The following KANK1 variants were observed in gnomAD, a reference collection of about 807,000 sequenced individuals.
The protein encoded by KANK1 is KN motif and ankyrin repeat domain-containing protein 1.
In KANK1, 109 loss-of-function variants were observed where a neutral mutation model predicts 106.2. The observed-to-expected ratio is 1.03, with a 90% CI of 0.88 to 1.20. The LOEUF is 1.20. Among genes scored for constraint, KANK1 ranks in the 50% most tolerant of loss-of-function variants. The pLI is 0.00. For synonymous variants in KANK1, 873 were observed against 652.2 expected, an observed-to-expected ratio of 1.34 and a Z score of -5.16; for missense variants, 2,399 against 1,710.7, an observed-to-expected ratio of 1.40 and a Z score of -7.10.
chr9:518,963 T>C (rs1413951453), intron 1 of KANK1, among the ~76,000 whole-genome samples: 1 of 151,530 alleles, frequency 6.6e-6, no homozygotes, highest in Non-Finnish European at 1.5e-5. Flanking sequence ...TGATCTCGGC[T>C]CACCGCAAAC....
intron 1 of KANK1, among the ~76,000 whole-genome samples, chr9:563,966 C>G (rs1030775817): frequency 2.0e-5 from 3 of 152,198 alleles, no homozygotes; most frequent in African/African-American, 7.2e-5. Flanking sequence ...GGCCTGTGAA[C>G]CTCTAGAAGA....
rs1301889030 is a variant in KANK1 at position 598,633 on chromosome 9, T to C, written c.-83-78257T>C. Among the ~76,000 whole-genome samples, 112 of 110,114 alleles carry C rather than the reference T, an allele frequency of 1.0e-3. 2 individuals carry two copies. The highest frequency in any genetic ancestry group is 4.5e-3 in the African/African-American group (108 of 23,742). The allele number at this position is 110,114 out of a possible 152,430, so 72.2% of individuals were successfully genotyped here. On this transcript the variant is annotated intron_variant, in intron 1 of 11. Transcript: ENST00000382297. ...TTTGTTGGTTTTCTTTTTTTTTTTTTTTTTTTTTTTTTTTTTTGAGACAGT... is the reference window on the plus strand; with the variant it reads ...TTTGTTGGTTTTCTTTTTTTTTTTTCTTTTTTTTTTTTTTTTTGAGACAGT...
At chr9:718,760 A>G (rs960315556) in intron 3 of KANK1, among the ~76,000 whole-genome samples, 2 of 152,160 alleles carry the variant, frequency 1.3e-5, no homozygotes, top group African/African-American at 4.8e-5. Context: ...CCACACATGT[A>G]TTAGCATTCA....
intron 1 of KANK1, chr9:539,521 C>T (rs1436042824): frequency 6.6e-6 from 1 of 152,114 alleles, no homozygotes; most frequent in Non-Finnish European, 1.5e-5. Flanking sequence ...GACAGGGTCT[C>T]ACTCTGTCAC....
At chr9:722,755 C>T (rs1019670727) in intron 3 of KANK1, among the ~76,000 whole-genome samples, 3 of 152,194 alleles carry the variant, frequency 2.0e-5, no homozygotes, top group Non-Finnish European at 4.4e-5. Context: ...ACCAGTTAAG[C>T]CTCAGTAGAA....
At chr9:514,683 T>A (rs1326144000) in intron 1 of KANK1, among the ~76,000 whole-genome samples, 1 of 151,718 alleles carries the variant, frequency 6.6e-6, no homozygotes, top group Non-Finnish European at 1.5e-5. Context: ...TATACTGCTG[T>A]TCATCCTGTT....
intron 1 of KANK1, among the ~76,000 whole-genome samples, chr9:554,579 C>G (rs1439123205): frequency 6.6e-6 from 1 of 152,170 alleles, no homozygotes; most frequent in South Asian, 2.1e-4. Context: ...AATATTATTT[C>G]TAAACAGAAC....
chr9:662,076 A>G (rs76235825), intron 1 of KANK1, among the ~76,000 whole-genome samples: 24,056 of 152,094 alleles, frequency 0.16, 2,712 homozygotes, highest in East Asian at 0.34. Context: ...CCCATTCACA[A>G]TTGCTTGAAA....
chr9:659,454 T>G (rs9408653), intron 1 of KANK1, among the ~76,000 whole-genome samples: 1 of 152,026 alleles, frequency 6.6e-6, no homozygotes, highest in African/African-American at 2.4e-5. Context: ...GGATTTCTAA[T>G]AAGTTCCCAG....
At chr9:488,361 G>A (rs2058327684) in intron 3 of KANK1, among the ~76,000 whole-genome samples, 1 of 152,128 alleles carries the variant, frequency 6.6e-6, no homozygotes, top group South Asian at 2.1e-4. Flanking sequence ...AGTCTAACAA[G>A]TAACAGCAAG....
At chr9:537,901 A>G (rs576775985) in intron 1 of KANK1, among the ~76,000 whole-genome samples, 1 of 152,332 alleles carries the variant, frequency 6.6e-6, no homozygotes, top group South Asian at 2.1e-4. Flanking sequence ...GTGTGTCTTA[A>G]CACTATTCCT....
chr9:712,651 G>C lies in KANK1; in HGVS notation c.1885G>C (p.Gly629Arg), dbSNP rs746621303. Residue 629 changes from glycine (G) to arginine (R), a missense_variant, in exon 3 of 12, where the codon GGT becomes CGT. Coordinates refer to ENST00000382297, the MANE Select transcript of KANK1 (RefSeq NM_015158.5). ...GAATCTCAAAGAAGTGCGGTCTATC[G>C]GTTGTGGAGATTGTTCTGTTGACGT... The part of the protein sequence containing the change: ...NLNLKEVRSI[G>R]CGDCSVDVTV... 9 of 1,614,144 alleles carry C rather than the reference G, an allele frequency of 5.6e-6. No homozygotes were observed. The highest frequency in any genetic ancestry group is 7.6e-6 in the Non-Finnish European group (9 of 1,180,034).
chr9:514,872 C>A (rs1038632104), intron 1 of KANK1, among the ~76,000 whole-genome samples: 1 of 151,646 alleles, frequency 6.6e-6, no homozygotes, highest in African/African-American at 2.4e-5. Flanking sequence ...TTTTATCAAG[C>A]GGTATTCCCA....
intron 1 of KANK1, among the ~76,000 whole-genome samples, chr9:576,118 A>G (rs1820490286): frequency 1.3e-5 from 2 of 152,214 alleles, no homozygotes; most frequent in African/African-American, 2.4e-5. Context: ...GAAATTTTAA[A>G]TTTTTAGGCC....
intron 2 of KANK1, among the ~76,000 whole-genome samples, chr9:689,586 T>C (rs74579699): frequency 0.24 from 36,144 of 151,896 alleles, 5,042 homozygotes; most frequent in East Asian, 0.56. Flanking sequence ...TGGACTTTCC[T>C]TTTAATCCCC....
At position 581,986 on chromosome 9, in the gene KANK1, C is replaced by G. The variant is rs537498969; in HGVS notation, c.-84+77232C>G. 2.0e-5 allele frequency among the ~76,000 whole-genome samples: 3 copies of G among 152,322 alleles called. No homozygotes were observed. In the East Asian group the frequency reaches 5.8e-4, roughly 29 times the overall value. On this transcript the variant is annotated intron_variant, in intron 1 of 11. Transcript: ENST00000382297. ...TCTTGCTATCTTCTCACCTGCTTTT[C>G]TCCTCAAGAAGGTAAGCCAGAGCCC...
rs551485731 is a variant in KANK1 at position 648,909 on chromosome 9, A to G, written c.-83-27981A>G. 1.2e-4 allele frequency among the ~76,000 whole-genome samples: 19 copies of G among 152,320 alleles called. 1 individual carries two copies. Among genetic ancestry groups the G allele is most frequent in the African/African-American group, 4.3e-4 (18 of 41,554 alleles). ...GACTCTAGTTAAAGTGAGGAAAACAATGTACTTGCATGTCAATTGCAGTTC... is the reference window on the plus strand; with the variant it reads ...GACTCTAGTTAAAGTGAGGAAAACAGTGTACTTGCATGTCAATTGCAGTTC... On this transcript the variant is annotated intron_variant, in intron 1 of 11. Coordinates refer to ENST00000382297, the MANE Select transcript of KANK1 (RefSeq NM_015158.5).
At chr9:644,027 AATGT>A (rs1319476803) in intron 1 of KANK1, among the ~76,000 whole-genome samples, 2 of 150,810 alleles carry the variant, frequency 1.3e-5, no homozygotes, top group African/African-American at 5.0e-5. Context: ...CATGTGAGAA[AATGT>A]ATGTCCTAGT....
intron 3 of KANK1, among the ~76,000 whole-genome samples, chr9:714,298 C>G (rs1387292942): frequency 1.3e-5 from 2 of 150,798 alleles, no homozygotes; most frequent in African/African-American, 2.4e-5. Context: ...TGGTAGTGGT[C>G]AGGGTGAGGG....
Sources: allele counts gnomAD v4.1 joint callset (sites outside exome capture counted in the v4.1 genomes callset), GRCh38; gene constraint gnomAD v4.1.1; transcripts MANE v1.5; gene names NCBI Gene and HGNC (gene_info 2026-07-23, HGNC 2026-07-21).